PARP8: variants seen among roughly 807,000 people sequenced by gnomAD.
PARP8 encodes poly(ADP-ribose) polymerase family member 8.
PARP8 carries 51 observed loss-of-function variants against 124.1 expected under a neutral mutation model. That is an observed-to-expected ratio of 0.41 (90% CI 0.33 to 0.52). The LOEUF is 0.52. PARP8 is among the 20% of genes least tolerant of loss of function. The probability of loss-of-function intolerance (pLI) is 0.21; values close to 1 mark genes in which losing one functional copy is unlikely to be tolerated. For missense variants in PARP8, 860 were observed against 1,018.9 expected, an observed-to-expected ratio of 0.84 and a Z score of 2.12; for synonymous variants, 391 against 361.5, an observed-to-expected ratio of 1.08 and a Z score of -0.93.
At chr5:50,819,934 T>C (rs757343940) in intron 15 of PARP8, among the ~76,000 whole-genome samples, 7 of 152,192 alleles carry the variant, frequency 4.6e-5, no homozygotes, top group Non-Finnish European at 8.8e-5. Flanking sequence ...GCTTGGAATA[T>C]AACTTCTTGC....
chr5:50,688,203 AG>A (rs1752088116), intron 2 of PARP8, among the ~76,000 whole-genome samples: 1 of 152,206 alleles, frequency 6.6e-6, no homozygotes, highest in Admixed American at 6.5e-5. Context: ...AGCCGACCAG[AG>A]AGAGTTTTTC....
At chr5:50,733,299 C>A (rs78790511) in intron 2 of PARP8, among the ~76,000 whole-genome samples, 6,593 of 151,532 alleles carry the variant, frequency 0.044, 455 homozygotes, top group African/African-American at 0.15. Context: ...AACAAAAAAA[C>A]CAAAACAAAA....
At chr5:50,707,623 G>A (rs1417424291) in intron 2 of PARP8, among the ~76,000 whole-genome samples, 1 of 62,600 alleles carries the variant, frequency 1.6e-5, no homozygotes, top group Non-Finnish European at 3.1e-5. Flanking sequence ...ATAGATAGGG[G>A]AGACAGAGAG....
chr5:50,800,508 G>T (rs1743082712), intron 14 of PARP8, among the ~76,000 whole-genome samples: 1 of 152,028 alleles, frequency 6.6e-6, no homozygotes, highest in Admixed American at 6.6e-5. Flanking sequence ...TGATTTAGGG[G>T]GAAAATGTTC....
intron 15 of PARP8, among the ~76,000 whole-genome samples, chr5:50,817,952 C>T (rs1196444249): frequency 6.6e-6 from 1 of 152,080 alleles, no homozygotes; most frequent in African/African-American, 2.4e-5. Flanking sequence ...TTTATCTTCA[C>T]TTATCAAATG....
chr5:50,716,874 C>T (rs1392171745), intron 2 of PARP8, among the ~76,000 whole-genome samples: 1 of 152,056 alleles, frequency 6.6e-6, no homozygotes, highest in East Asian at 1.9e-4. Context: ...TTTGAATAAA[C>T]ATACTGTAAG....
At chr5:50,839,747 GCT>G (rs1214962367) in intron 25 of PARP8, among the ~76,000 whole-genome samples, 2 of 150,552 alleles carry the variant, frequency 1.3e-5, no homozygotes, top group Admixed American at 1.3e-4. Context: ...CTTCCTCTGT[GCT>G]CTTTCAGTCT....
At chr5:50,771,316 C>T (rs1189914250) in intron 7 of PARP8, among the ~76,000 whole-genome samples, 5 of 152,070 alleles carry the variant, frequency 3.3e-5, no homozygotes, top group Non-Finnish European at 5.9e-5. Flanking sequence ...TTTGCCACCA[C>T]GCCTGGCTAA....
In PARP8 at chr5:50,828,295, T is replaced by A; in HGVS notation, c.2091-17T>A. On this transcript the variant is annotated splice_polypyrimidine_tract_variant and intron_variant, in intron 20 of 25. Transcript: ENST00000281631. ...AATTTTCTGGTTTTGCTTTTTCCTT[T>A]CCGTCTGTTTTTTTAGTGGCTCACA... The A allele has an allele frequency of 6.2e-7, 1 of 1,610,390 alleles. No individual in the cohort carries two copies. Among genetic ancestry groups the A allele is most frequent in the Non-Finnish European group, 8.5e-7 (1 of 1,177,662 alleles).
chr5:50,791,081 T>C (rs1741900350), intron 10 of PARP8, among the ~76,000 whole-genome samples: 1 of 152,124 alleles, frequency 6.6e-6, no homozygotes, highest in South Asian at 2.1e-4. Context: ...GGAAGGCAAA[T>C]TTAGAATCTA....
At chr5:50,777,139 T>C (rs1217551347) in intron 7 of PARP8, among the ~76,000 whole-genome samples, 1 of 152,128 alleles carries the variant, frequency 6.6e-6, no homozygotes, top group African/African-American at 2.4e-5. Flanking sequence ...TGCTATAGAG[T>C]GATGATTGAT....
At chr5:50,709,656 G>A (rs1754515197) in intron 2 of PARP8, among the ~76,000 whole-genome samples, 1 of 151,796 alleles carries the variant, frequency 6.6e-6, no homozygotes, top group African/African-American at 2.4e-5. Flanking sequence ...AGTAGCCACA[G>A]GCTTACAGTG....
At position 50,797,633 on chromosome 5, in the gene PARP8, A is replaced by G. The variant is rs537608481; in HGVS notation, c.1575+400A>G. 4.6e-5 allele frequency among the ~76,000 whole-genome samples: 7 copies of G among 152,290 alleles called. No individual in the cohort carries two copies. The East Asian group carries it at 1.4e-3, about 29-fold the overall frequency. Reference sequence around the variant, plus strand: ...TATGTGAGAGGAGAGTCTTGATCCTATGCTAGTTAAAAGAGGTACACAGTA... The same window carrying G: ...TATGTGAGAGGAGAGTCTTGATCCTGTGCTAGTTAAAAGAGGTACACAGTA... On this transcript the variant is annotated intron_variant, in intron 14 of 25. Coordinates refer to ENST00000281631, the MANE Select transcript of PARP8 (RefSeq NM_024615.4).
chr5:50,821,355 G>A lies in PARP8; in HGVS notation c.1794+17G>A, dbSNP rs765125660. 4.8e-5 allele frequency: 77 copies of A among 1,613,106 alleles called. No individual in the cohort carries two copies. Among genetic ancestry groups the A allele is most frequent in the Non-Finnish European group, 6.0e-5 (71 of 1,179,368 alleles). ...AACCCCAGGGTAAGTTGTTATCATG[G>A]CACACCAATCACAAAGTTTTCTTTA... is the stretch of plus-strand genomic sequence containing the variant. On this transcript the variant is annotated intron_variant, in intron 16 of 25. Transcript: ENST00000281631.
At chr5:50,822,228 C>T (rs1315586421) in intron 16 of PARP8, 107 bp from the exon 17 acceptor site, 1 of 796,262 alleles carries the variant, frequency 1.3e-6, no homozygotes, top group East Asian at 2.5e-5. Context: ...AAATTGACCC[C>T]AGTGGAAAAT....
At chr5:50,771,930 T>C (rs530407413) in intron 7 of PARP8, among the ~76,000 whole-genome samples, 1 of 152,296 alleles carries the variant, frequency 6.6e-6, no homozygotes, top group East Asian at 1.9e-4. Flanking sequence ...ACCATAGTCA[T>C]TCTACTGTGC....
intron 7 of PARP8, among the ~76,000 whole-genome samples, chr5:50,771,667 G>GTTGA (rs1046537122): frequency 1.5e-5 from 2 of 133,514 alleles, no homozygotes; most frequent in African/African-American, 6.9e-5. Context: ...TACTTGAATA[G>GTTGA]TCGATAGAAA....
At chr5:50,779,010 A>G (rs2149611497) in intron 9 of PARP8, among the ~76,000 whole-genome samples, 1 of 152,312 alleles carries the variant, frequency 6.6e-6, no homozygotes, top group East Asian at 1.9e-4. Context: ...TTAATGCAAT[A>G]TAAATTCTGT....
At chr5:50,833,329 G>A (rs1747193544) in intron 23 of PARP8, 2 of 402,522 alleles carry the variant, frequency 5.0e-6, no homozygotes, top group Non-Finnish European at 9.8e-6. Flanking sequence ...AAGACCTACA[G>A]ATGATGAGTG....
Sources: allele counts gnomAD v4.1 joint callset (sites outside exome capture counted in the v4.1 genomes callset), GRCh38; gene constraint gnomAD v4.1.1; transcripts MANE v1.5; gene names NCBI Gene and HGNC (gene_info 2026-07-23, HGNC 2026-07-21).